Variants in ERLEC1 observed in about 807,000 individuals in gnomAD.
ERLEC1 encodes ER lectin.
ERLEC1 carries 47 observed loss-of-function variants against 68.0 expected under a neutral mutation model. That is an observed-to-expected ratio of 0.69 (90% CI 0.55 to 0.88). The LOEUF (loss-of-function observed/expected upper bound fraction) is 0.88, where lower values mean the gene tolerates loss of function less well. Among genes scored for constraint, ERLEC1 ranks in the 40% least tolerant of loss-of-function variants. The probability of loss-of-function intolerance (pLI) is 0.00; values close to 1 mark genes in which losing one functional copy is unlikely to be tolerated. For synonymous variants in ERLEC1, 225 were observed against 203.2 expected, an observed-to-expected ratio of 1.11 and a Z score of -0.91; for missense variants, 567 against 583.8, an observed-to-expected ratio of 0.97 and a Z score of 0.30.
intron 10 of ERLEC1, 27 bp downstream of exon 10, chr2:53,809,300 C>G: frequency 7.0e-7 from 1 of 1,434,574 alleles, no homozygotes; most frequent in South Asian, 1.4e-5. Flanking sequence ...ATATATCATT[C>G]TACCACTAGA....
At position 53,798,353 on chromosome 2, in the gene ERLEC1, C is replaced by T. The variant is rs1383828403; in HGVS notation, c.490+558C>T. Among the ~76,000 whole-genome samples, 4 of 151,908 alleles carry T rather than the reference C, an allele frequency of 2.6e-5. No individual in the cohort carries two copies. The East Asian group carries it at 7.9e-4, about 30-fold the overall frequency. On this transcript the variant is annotated intron_variant, in intron 5 of 13. Coordinates refer to ENST00000185150, the MANE Select transcript of ERLEC1 (RefSeq NM_015701.5). ...CACAGCTCATTGCAGCCTTGACCTCCTGGGCTCAAGTGATCCTCCTGCCTC... is the reference window on the plus strand; with the variant it reads ...CACAGCTCATTGCAGCCTTGACCTCTTGGGCTCAAGTGATCCTCCTGCCTC...
rs137986759 is a variant in ERLEC1 at position 53,818,298 on chromosome 2, A to G, written c.*329A>G. ...TGTCATAATTGTTGTACCTATTGAA[A>G]GTTTTTAAATAATAGATTTATTATG... On this transcript the variant is annotated 3_prime_UTR_variant, in exon 14 of 14. Coordinates refer to ENST00000185150, the MANE Select transcript of ERLEC1 (RefSeq NM_015701.5). 188 of 174,676 alleles carry G rather than the reference A, an allele frequency of 1.1e-3. No homozygotes were observed. In the East Asian group the frequency reaches 0.025, roughly 23 times the overall value. The allele number at this position is 174,676 out of a possible 1,614,324, so 10.8% of individuals were successfully genotyped here. A position where few individuals can be genotyped will look rare whatever the true frequency, so the allele number is the denominator to read the frequency against.
chr2:53,790,065 GC>G (rs1452909989), intron 1 of ERLEC1, among the ~76,000 whole-genome samples: 5 of 151,636 alleles, frequency 3.3e-5, no homozygotes, highest in Admixed American at 6.6e-5. Flanking sequence ...TCCTCACCTG[GC>G]GCTGCCATTT....
rs750785192 is a variant in ERLEC1, at chr2:53,814,544, A to G, written c.1228A>G (p.Met410Val). Residue 410 changes from methionine (M) to valine (V), a missense_variant and splice_region_variant, in exon 12 of 14, where the codon ATG becomes GTG. Transcript: ENST00000185150. ...AACTTGTGTGTTTCTCTGATTCAGG[A>G]TGGTGTCACATTTTTATGGAAATGG... ...LQDDGTQTVR[M>V]VSHFYGNGDI... The G allele has an allele frequency of 6.2e-7, 1 of 1,608,502 alleles. No individual in the cohort carries two copies. The highest frequency in any genetic ancestry group is 1.1e-5 in the South Asian group (1 of 90,498).
At position 53,818,023 on chromosome 2, in the gene ERLEC1, G is replaced by T; in HGVS notation, c.*54G>T. 7 of 1,112,454 alleles carry T rather than the reference G, an allele frequency of 6.3e-6. No individual in the cohort carries two copies. Among genetic ancestry groups the T allele is most frequent in the Non-Finnish European group, 8.3e-6 (6 of 725,964 alleles). 68.9% of individuals were successfully genotyped at this position (1,112,454 alleles called of 1,614,324 possible). On this transcript the variant is annotated 3_prime_UTR_variant, in exon 14 of 14. Coordinates refer to ENST00000185150, the MANE Select transcript of ERLEC1 (RefSeq NM_015701.5). ...ATCATTGAAAGTCATGATAATTTCT[G>T]TCCCACTGTGTCTCATTATAGAGTT...
intron 9 of ERLEC1, 114 bp downstream of exon 9, chr2:53,808,574 C>G: frequency 1.0e-6 from 1 of 988,376 alleles, no homozygotes; most frequent in Non-Finnish European, 1.5e-6. Context: ...TGACAGGATC[C>G]TTTCATCCCC....
intron 8 of ERLEC1, among the ~76,000 whole-genome samples, chr2:53,807,223 A>T (rs1475330112): frequency 6.6e-6 from 1 of 152,184 alleles, no homozygotes; most frequent in Non-Finnish European, 1.5e-5. Context: ...CCTCAAGTCT[A>T]TATGCATATA....
chr2:53,797,040 C>T (rs900942106), intron 3 of ERLEC1, among the ~76,000 whole-genome samples: 1 of 151,950 alleles, frequency 6.6e-6, no homozygotes, highest in Non-Finnish European at 1.5e-5. Flanking sequence ...TACACACACG[C>T]GCTACCACAT....
intron 10 of ERLEC1, among the ~76,000 whole-genome samples, chr2:53,812,168 G>A (rs1032723421): frequency 6.6e-6 from 1 of 152,094 alleles, no homozygotes; most frequent in Non-Finnish European, 1.5e-5. Context: ...GCCCACCTCA[G>A]CCTCCCAAAA....
chr2:53,817,462 A>C (rs1676961978), intron 13 of ERLEC1, among the ~76,000 whole-genome samples: 1 of 151,996 alleles, frequency 6.6e-6, no homozygotes, highest in South Asian at 2.1e-4. Flanking sequence ...TCTCTACTGA[A>C]ATTTCCTATC....
At chr2:53,814,405 TA>T in intron 11 of ERLEC1, 137 bp from the exon 12 acceptor site, 1 of 521,198 alleles carries the variant, frequency 1.9e-6, no homozygotes, top group South Asian at 4.0e-5. Flanking sequence ...AATATTTTTT[TA>T]AAGAATATTT....
intron 8 of ERLEC1, among the ~76,000 whole-genome samples, chr2:53,803,122 T>G (rs545381084): frequency 5.4e-4 from 83 of 152,306 alleles, no homozygotes; most frequent in Middle Eastern, 3.4e-3. Context: ...TGGCTAAGAC[T>G]GATTGTTTTA....
At chr2:53,809,667 T>C (rs904694165) in intron 10 of ERLEC1, among the ~76,000 whole-genome samples, 1 of 152,038 alleles carries the variant, frequency 6.6e-6, no homozygotes, top group Non-Finnish European at 1.5e-5. Context: ...GCAGGATCAT[T>C]TGAGCTCGGG....
At chr2:53,793,904 A>G (rs1486320143) in intron 1 of ERLEC1, among the ~76,000 whole-genome samples, 1 of 152,216 alleles carries the variant, frequency 6.6e-6, no homozygotes, top group Non-Finnish European at 1.5e-5. Context: ...TGCAGCTTGG[A>G]GGTCATTATC....
intron 2 of ERLEC1, 98 bp downstream of exon 2, chr2:53,794,547 C>G: frequency 1.7e-6 from 1 of 592,002 alleles, no homozygotes; most frequent in South Asian, 2.4e-5. Context: ...TAACAGATTT[C>G]TCAATAACGC....
At chr2:53,789,393 CAA>C (rs1160757930) in intron 1 of ERLEC1, among the ~76,000 whole-genome samples, 1,192 of 79,742 alleles carry the variant, frequency 0.015, 10 homozygotes, top group African/African-American at 0.045. Flanking sequence ...GACTCTGTCT[CAA>C]AAAAAAAAAA....
intron 1 of ERLEC1, among the ~76,000 whole-genome samples, chr2:53,788,939 T>A (rs530738517): frequency 7.1e-4 from 108 of 152,228 alleles, no homozygotes; most frequent in African/African-American, 2.5e-3. Flanking sequence ...GTGTTTTTTT[T>A]AATTTAAAAA....
At chr2:53,809,347 G>C (rs1476059765) in intron 10 of ERLEC1, 74 bp downstream of exon 10, 1 of 1,013,880 alleles carries the variant, frequency 9.9e-7, no homozygotes, top group African/African-American at 1.7e-5. Flanking sequence ...AGAAAAAAAG[G>C]GGGAATGGTA....
At chr2:53,788,870 A>G (rs543132674) in intron 1 of ERLEC1, among the ~76,000 whole-genome samples, 78 of 152,264 alleles carry the variant, frequency 5.1e-4, no homozygotes, top group African/African-American at 1.8e-3. Context: ...GCACACTTGG[A>G]GTGAATATGG....
Sources: allele counts gnomAD v4.1 joint callset (sites outside exome capture counted in the v4.1 genomes callset), GRCh38; gene constraint gnomAD v4.1.1; transcripts MANE v1.5; gene names NCBI Gene and HGNC (gene_info 2026-07-23, HGNC 2026-07-21).